RBFOX1: variants seen among roughly 807,000 people sequenced by gnomAD.
RBFOX1 encodes RNA binding protein fox-1 homolog 1.
Under a neutral mutation model 57.7 loss-of-function variants are expected in RBFOX1, and 8 were observed. The observed-to-expected ratio is 0.14, with a 90% CI of 0.08 to 0.25. The LOEUF is 0.25. Ranked by LOEUF, RBFOX1 falls within the 10% of genes least tolerant of loss-of-function variation. The pLI, the probability that RBFOX1 is intolerant of heterozygous loss-of-function variation, is 1.00. For synonymous variants in RBFOX1, 326 were observed against 222.4 expected, an observed-to-expected ratio of 1.47 and a Z score of -4.15; for missense variants, 611 against 548.5, an observed-to-expected ratio of 1.11 and a Z score of -1.14.
At chr16:7,498,708 A>G (rs754316245) in intron 4 of RBFOX1, among the ~76,000 whole-genome samples, 2 of 152,168 alleles carry the variant, frequency 1.3e-5, no homozygotes, top group South Asian at 4.1e-4. Context: ...CAGACCAGCC[A>G]CATTTCAACA....
At chr16:7,183,247 A>T (rs2083079672) in intron 4 of RBFOX1, among the ~76,000 whole-genome samples, 1 of 152,152 alleles carries the variant, frequency 6.6e-6, no homozygotes, top group Admixed American at 6.5e-5. Flanking sequence ...GAGAAAAAGA[A>T]GCCATGGTGA....
intron 4 of RBFOX1, among the ~76,000 whole-genome samples, chr16:7,431,962 G>A (rs868471525): frequency 6.6e-6 from 1 of 152,198 alleles, no homozygotes. Flanking sequence ...GCCTCATTAC[G>A]GGATGCCAAG....
chr16:6,790,914 T>C (rs1400346844), intron 3 of RBFOX1, among the ~76,000 whole-genome samples: 1 of 144,358 alleles, frequency 6.9e-6, no homozygotes, highest in Non-Finnish European at 1.5e-5. Flanking sequence ...CTGTTTATCT[T>C]TTTTTTTTTG....
chr16:7,058,690 G>C (rs748713091), intron 4 of RBFOX1, among the ~76,000 whole-genome samples: 1 of 151,598 alleles, frequency 6.6e-6, no homozygotes, highest in South Asian at 2.1e-4. Context: ...AATAAAAAAG[G>C]TTCTTAATTA....
intron 3 of RBFOX1, among the ~76,000 whole-genome samples, chr16:6,703,273 C>T (rs1240649186): frequency 6.6e-6 from 1 of 151,040 alleles, no homozygotes. Flanking sequence ...CTGTTAATTT[C>T]ATTTCATAGA....
intron 3 of RBFOX1, among the ~76,000 whole-genome samples, chr16:6,815,823 A>T (rs989042499): frequency 6.6e-6 from 1 of 152,218 alleles, no homozygotes; most frequent in Non-Finnish European, 1.5e-5. Flanking sequence ...TTACTTTAAG[A>T]GGAAAAGCTT....
chr16:7,672,435 G>C (rs772060222), intron 13 of RBFOX1, among the ~76,000 whole-genome samples: 4 of 152,164 alleles, frequency 2.6e-5, no homozygotes, highest in Non-Finnish European at 4.4e-5. Flanking sequence ...AGAATTGACT[G>C]AGTTTTAATT....
At chr16:7,566,740 C>T (rs1171701175) in intron 5 of RBFOX1, among the ~76,000 whole-genome samples, 1 of 152,072 alleles carries the variant, frequency 6.6e-6, no homozygotes, top group African/African-American at 2.4e-5. Flanking sequence ...CAGTGATAGC[C>T]GGAATCCTTT....
chr16:7,166,771 T>C (rs906378230), intron 4 of RBFOX1, among the ~76,000 whole-genome samples: 11 of 151,878 alleles, frequency 7.2e-5, no homozygotes, highest in Non-Finnish European at 1.5e-4. Flanking sequence ...GCGCACTGGG[T>C]GGATACAGGA....
chr16:7,655,407 T>C (rs1403825568), intron 12 of RBFOX1, among the ~76,000 whole-genome samples: 1 of 152,196 alleles, frequency 6.6e-6, no homozygotes, highest in African/African-American at 2.4e-5. Context: ...AGACGGTGGA[T>C]AGTAACAAAC....
intron 2 of RBFOX1, among the ~76,000 whole-genome samples, chr16:6,616,036 G>A (rs1391109000): frequency 2.0e-5 from 3 of 152,246 alleles, no homozygotes; most frequent in South Asian, 4.1e-4. Context: ...CCAGTTTTGC[G>A]TTTAGGAAAG....
intron 4 of RBFOX1, among the ~76,000 whole-genome samples, chr16:7,137,669 G>C (rs1006960847): frequency 6.6e-6 from 1 of 152,140 alleles, no homozygotes; most frequent in Non-Finnish European, 1.5e-5. Flanking sequence ...TCAGATTAGG[G>C]GCAAGCTCCT....
At chr16:7,126,324 G>A (rs528444508) in intron 4 of RBFOX1, 4 of 297,436 alleles carry the variant, frequency 1.3e-5, no homozygotes, top group South Asian at 7.9e-5. Context: ...TCATGGGGCA[G>A]CACCCGCAGG....
intron 10 of RBFOX1, among the ~76,000 whole-genome samples, chr16:7,613,171 A>G (rs1011531098): frequency 6.6e-5 from 10 of 152,140 alleles, no homozygotes; most frequent in African/African-American, 2.4e-4. Flanking sequence ...AACCACCCCT[A>G]GGGATATTTA....
intron 4 of RBFOX1, among the ~76,000 whole-genome samples, chr16:7,500,240 C>G (rs1482329298): frequency 6.6e-6 from 1 of 152,102 alleles, no homozygotes; most frequent in Non-Finnish European, 1.5e-5. Context: ...GGGAAAGAGT[C>G]AGTTACTGAT....
intron 4 of RBFOX1, among the ~76,000 whole-genome samples, chr16:7,426,723 A>AG (rs2098618657): frequency 2.0e-5 from 3 of 152,244 alleles, no homozygotes; most frequent in African/African-American, 7.2e-5. Flanking sequence ...TCCTGAGAAT[A>AG]CCAACAGCAG....
At chr16:6,123,718 A>T (rs1352241495) in intron 1 of RBFOX1, among the ~76,000 whole-genome samples, 2 of 152,182 alleles carry the variant, frequency 1.3e-5, no homozygotes, top group Admixed American at 1.3e-4. Context: ...CAGCCTGGGC[A>T]ACATGGCAAA....
chr16:6,055,915 C>A (rs986297368), intron 1 of RBFOX1, among the ~76,000 whole-genome samples: 2 of 152,144 alleles, frequency 1.3e-5, no homozygotes, highest in East Asian at 1.9e-4. Context: ...TTTTACTAAT[C>A]CCCTCTTGAT....
At chr16:7,541,933 C>G (rs1031590793) in intron 5 of RBFOX1, among the ~76,000 whole-genome samples, 7 of 152,190 alleles carry the variant, frequency 4.6e-5, no homozygotes, top group African/African-American at 1.7e-4. Flanking sequence ...TGCCAAGTTT[C>G]CCAGCAAAGA....
Sources: gnomAD v4.1 joint callset for allele counts (sites outside exome capture counted in the v4.1 genomes callset) on GRCh38, gnomAD v4.1.1 for gene constraint, MANE v1.5 for transcripts, NCBI Gene and HGNC (gene_info 2026-07-23, HGNC 2026-07-21) for gene names.